The following SMIM10L3 variants were observed in gnomAD, a reference collection of about 807,000 sequenced individuals.
The protein encoded by SMIM10L3 is salivary gland specific protein SAGSIN1.
chr7:6,334,125 C>T, the SMIM10L3 span, among the ~76,000 whole-genome samples: 18 of 151,572 alleles, frequency 1.2e-4, no homozygotes, highest in Non-Finnish European at 1.6e-4. Flanking sequence ...GGATTACAAG[C>T]GTGAGCCACC....
the SMIM10L3 span, chr7:6,330,544 A>G: frequency 1.2e-6 from 2 of 1,614,078 alleles, no homozygotes; most frequent in Non-Finnish European, 1.7e-6. Flanking sequence ...CTCCTCACTC[A>G]GGAGCACTTC....
the SMIM10L3 span, among the ~76,000 whole-genome samples, chr7:6,332,344 G>T: frequency 9.9e-5 from 15 of 152,192 alleles, no homozygotes; most frequent in African/African-American, 3.6e-4. Flanking sequence ...AATTAAATTA[G>T]TCTCATGGAA....
At chr7:6,348,429 C>G in the SMIM10L3 span, 1 of 396,688 alleles carries the variant, frequency 2.5e-6, no homozygotes. Flanking sequence ...GTGGATCTCC[C>G]CAAAGTAGGG....
chr7:6,337,948 C>G, the SMIM10L3 span, among the ~76,000 whole-genome samples: 1 of 151,582 alleles, frequency 6.6e-6, no homozygotes, highest in Non-Finnish European at 1.5e-5. Flanking sequence ...GTACTACAGG[C>G]ACCAGCTGCC....
chr7:6,348,323 G>A, the SMIM10L3 span, among the ~76,000 whole-genome samples: 6 of 151,422 alleles, frequency 4.0e-5, no homozygotes, highest in Non-Finnish European at 5.9e-5. Context: ...TGCAGTCTCG[G>A]ACCCCACCTC....
chr7:6,340,741 T>C, the SMIM10L3 span, among the ~76,000 whole-genome samples: 17 of 150,004 alleles, frequency 1.1e-4, no homozygotes, highest in South Asian at 2.1e-4. Context: ...CTACTAAAAA[T>C]ACAAAAAATT....
the SMIM10L3 span, among the ~76,000 whole-genome samples, chr7:6,346,115 C>T: frequency 6.6e-6 from 1 of 151,908 alleles, no homozygotes; most frequent in Non-Finnish European, 1.5e-5. Context: ...AAAATCTTGA[C>T]TTCTGATTTC....
chr7:6,337,801 A>T, the SMIM10L3 span, among the ~76,000 whole-genome samples: 1 of 151,268 alleles, frequency 6.6e-6, no homozygotes, highest in Non-Finnish European at 1.5e-5. Flanking sequence ...TACATTATTT[A>T]TTTATTTATT....
At chr7:6,331,179 G>T in the SMIM10L3 span, 1 of 1,592,588 alleles carries the variant, frequency 6.3e-7, no homozygotes, top group South Asian at 1.1e-5. Flanking sequence ...GATGCGGTGG[G>T]CCTGAGGTCA....
the SMIM10L3 span, among the ~76,000 whole-genome samples, chr7:6,340,705 C>A: frequency 6.6e-6 from 1 of 152,020 alleles, no homozygotes; most frequent in Admixed American, 6.6e-5. Flanking sequence ...CGAGACCATC[C>A]TGGCTAACAC....
At chr7:6,335,075 T>C in the SMIM10L3 span, among the ~76,000 whole-genome samples, 1 of 149,948 alleles carries the variant, frequency 6.7e-6, no homozygotes, top group African/African-American at 2.5e-5. Flanking sequence ...CCAGTGGTTA[T>C]TTTTTGAGAC....
At chr7:6,345,385 G>T in the SMIM10L3 span, among the ~76,000 whole-genome samples, 1 of 152,058 alleles carries the variant, frequency 6.6e-6, no homozygotes, top group Non-Finnish European at 1.5e-5. Flanking sequence ...AAAGTGCTGG[G>T]ATTATAGGCA....
chr7:6,342,929 C>A, the SMIM10L3 span, among the ~76,000 whole-genome samples: 1 of 151,434 alleles, frequency 6.6e-6, no homozygotes, highest in Non-Finnish European at 1.5e-5. Context: ...CCCAGCTACT[C>A]AGAAGGCTGA....
chr7:6,339,817 G>T, the SMIM10L3 span, among the ~76,000 whole-genome samples: 3 of 151,806 alleles, frequency 2.0e-5, no homozygotes, highest in Non-Finnish European at 4.4e-5. Flanking sequence ...CCGGTCCCCT[G>T]GATGCTCACA....
chr7:6,345,308 T>A, the SMIM10L3 span, among the ~76,000 whole-genome samples: 1 of 151,724 alleles, frequency 6.6e-6, no homozygotes. Context: ...CAGACTGGGG[T>A]CTTGCTGTGT....
the SMIM10L3 span, among the ~76,000 whole-genome samples, chr7:6,346,195 G>A: frequency 6.6e-6 from 1 of 152,094 alleles, no homozygotes; most frequent in African/African-American, 2.4e-5. Flanking sequence ...GGAGGGCTCA[G>A]GCCTTCTCGT....
the SMIM10L3 span, among the ~76,000 whole-genome samples, chr7:6,335,120 T>C: frequency 6.6e-6 from 1 of 151,968 alleles, no homozygotes; most frequent in African/African-American, 2.4e-5. Context: ...TGGACCGTAG[T>C]GGTGCAATCT....
chr7:6,330,913 G>T, the SMIM10L3 span: 3 of 1,614,206 alleles, frequency 1.9e-6, no homozygotes, highest in Middle Eastern at 3.3e-4. Flanking sequence ...TGGAAGCACT[G>T]GGCCGCCACT....
At chr7:6,348,844 G>A in the SMIM10L3 span, 1 of 392,546 alleles carries the variant, frequency 2.5e-6, no homozygotes, top group Non-Finnish European at 4.5e-6. Context: ...GGCGTGCTCA[G>A]GGAGCGAAGG....
Sources: gnomAD v4.1 joint callset for allele counts (sites outside exome capture counted in the v4.1 genomes callset) on GRCh38, gnomAD v4.1.1 for gene constraint, MANE v1.5 for transcripts, NCBI Gene and HGNC (gene_info 2026-07-23, HGNC 2026-07-21) for gene names.